Variants in TNRC6A observed in about 807,000 individuals in gnomAD.
TNRC6A encodes the protein trinucleotide repeat-containing gene 6A protein.
TNRC6A carries 44 observed loss-of-function variants against 221.2 expected under a neutral mutation model. The ratio of observed to expected loss-of-function variants is 0.20; its 90% CI spans 0.16 to 0.26. TNRC6A has a LOEUF of 0.26. Among genes scored for constraint, TNRC6A ranks in the 10% least tolerant of loss-of-function variants. TNRC6A has a pLI of 1.00. For missense variants in TNRC6A, 2,199 were observed against 2,404.4 expected, an observed-to-expected ratio of 0.91 and a Z score of 1.79; for synonymous variants, 847 against 838.5, an observed-to-expected ratio of 1.01 and a Z score of -0.18.
intron 3 of TNRC6A, among the ~76,000 whole-genome samples, chr16:24,752,972 T>G (rs2057170004): frequency 6.6e-6 from 1 of 152,236 alleles, no homozygotes; most frequent in South Asian, 2.1e-4. Context: ...TTGAATGATG[T>G]CTTTAAATAT....
At chr16:24,632,876 G>A (rs1410181099) in intron 1 of TNRC6A, among the ~76,000 whole-genome samples, 1 of 152,002 alleles carries the variant, frequency 6.6e-6, no homozygotes, top group African/African-American at 2.4e-5. Context: ...GGGTGCGGTG[G>A]TGCATGCATG....
intron 2 of TNRC6A, among the ~76,000 whole-genome samples, chr16:24,641,805 G>A (rs1396774457): frequency 1.3e-5 from 2 of 152,096 alleles, no homozygotes; most frequent in East Asian, 3.9e-4. Flanking sequence ...CATCTACCAT[G>A]TACCATGCAT....
rs147758974 is a variant in TNRC6A, at chr16:24,775,938, G to A, written c.164-995G>A. Among the ~76,000 whole-genome samples, 49 of 152,280 alleles carry A rather than the reference G, an allele frequency of 3.2e-4. No individual in the cohort carries two copies. In the East Asian group the frequency reaches 5.6e-3, roughly 17 times the overall value. On this transcript the variant is annotated intron_variant, in intron 4 of 24. Coordinates refer to ENST00000395799, the MANE Select transcript of TNRC6A (RefSeq NM_014494.4). Reference sequence around the variant, plus strand: ...AGGTGGTATTGTGTCAGTCATTAACGAATAGCCACTGTTTATATAGCCTTA... The same window carrying A: ...AGGTGGTATTGTGTCAGTCATTAACAAATAGCCACTGTTTATATAGCCTTA...
chr16:24,614,808 G>A (rs533575987), intron 1 of TNRC6A, among the ~76,000 whole-genome samples: 13 of 152,324 alleles, frequency 8.5e-5, no homozygotes, highest in Admixed American at 5.9e-4. Flanking sequence ...GGTGGCTTAC[G>A]CCTGTAATCC....
At chr16:24,742,885 C>T (rs1172327271) in intron 2 of TNRC6A, among the ~76,000 whole-genome samples, 3 of 152,034 alleles carry the variant, frequency 2.0e-5, no homozygotes, top group African/African-American at 2.4e-5. Flanking sequence ...GAGCCGAGAT[C>T]GAGCCATTGC....
At chr16:24,640,860 T>C (rs1405166638) in intron 1 of TNRC6A, 26 of 152,220 alleles carry the variant, frequency 1.7e-4, no homozygotes, top group Admixed American at 1.7e-3. Flanking sequence ...ATCACTAATC[T>C]AATGCAACCT....
chr16:24,814,661 C>T (rs1337274733), intron 18 of TNRC6A, among the ~76,000 whole-genome samples: 1 of 152,116 alleles, frequency 6.6e-6, no homozygotes, highest in East Asian at 1.9e-4. Context: ...GATCTGCCTG[C>T]CTCAGCCTCC....
chr16:24,729,283 A>C (rs1208347658), upstream of TNRC6A, among the ~76,000 whole-genome samples: 2 of 149,882 alleles, frequency 1.3e-5, no homozygotes, highest in African/African-American at 2.5e-5. Context: ...AGTTGGGGTA[A>C]AATTTGCGTT....
chr16:24,804,422 C>A, intron 12 of TNRC6A, 103 bp downstream of exon 12: 2 of 1,317,224 alleles, frequency 1.5e-6, no homozygotes, highest in Non-Finnish European at 2.1e-6. Context: ...TAAAGTGTTA[C>A]AATCCACTAC....
chr16:24,762,134 A>G (rs2057377070), intron 4 of TNRC6A, among the ~76,000 whole-genome samples: 3 of 152,218 alleles, frequency 2.0e-5, no homozygotes, highest in Admixed American at 2.0e-4. Flanking sequence ...TTTTTGGGTG[A>G]TAAAATAGCG....
In TNRC6A at chr16:24,696,105, T is replaced by C. The variant is rs1366095366; in HGVS notation, n.403-54621T>C. Among the ~76,000 whole-genome samples the C allele has an allele frequency of 2.6e-5, 4 of 151,952 alleles. No homozygotes were observed. In the East Asian group the frequency reaches 7.8e-4, roughly 30 times the overall value. ...GGCTCGCCCCTGTAATCCCAGCACT[T>C]TGGGAGGCCGAGGCGGGTGGATCAC... On this transcript the variant is annotated intron_variant and non_coding_transcript_variant, in intron 2 of 2. Coordinates refer to the TNRC6A transcript ENST00000566108.
At chr16:24,785,465 C>G (rs1300775624) in intron 5 of TNRC6A, among the ~76,000 whole-genome samples, 1 of 152,174 alleles carries the variant, frequency 6.6e-6, no homozygotes. Context: ...TACTTTATGG[C>G]TGTTAATGAT....
At chr16:24,625,899 TAA>T (rs1024449123) in intron 1 of TNRC6A, among the ~76,000 whole-genome samples, 6 of 152,164 alleles carry the variant, frequency 3.9e-5, no homozygotes, top group Admixed American at 6.5e-5. Flanking sequence ...GCTAGAGTGT[TAA>T]GTTTGTTTAT....
At chr16:24,675,081 G>C (rs2055380916) in intron 2 of TNRC6A, among the ~76,000 whole-genome samples, 1 of 152,110 alleles carries the variant, frequency 6.6e-6, no homozygotes, top group South Asian at 2.1e-4. Flanking sequence ...AGGAGTTCAA[G>C]GTCGCAGTCA....
chr16:24,611,134 T>C (rs1315029842), intron 1 of TNRC6A, among the ~76,000 whole-genome samples: 1 of 152,096 alleles, frequency 6.6e-6, no homozygotes, highest in Non-Finnish European at 1.5e-5. Flanking sequence ...TTTATTCACA[T>C]ACCTTTCTGT....
chr16:24,820,675 TG>T (rs2058749514), intron 22 of TNRC6A, among the ~76,000 whole-genome samples: 1 of 152,174 alleles, frequency 6.6e-6, no homozygotes, highest in Non-Finnish European at 1.5e-5. Context: ...CTGGGGAACA[TG>T]GGAGCAGGCC....
intron 2 of TNRC6A, among the ~76,000 whole-genome samples, chr16:24,743,790 C>T (rs1470422070): frequency 6.6e-6 from 1 of 152,110 alleles, no homozygotes; most frequent in African/African-American, 2.4e-5. Context: ...AGACATGATA[C>T]CCCTTTACTC....
chr16:24,620,013 A>C (rs1900581462), intron 1 of TNRC6A, among the ~76,000 whole-genome samples: 1 of 152,088 alleles, frequency 6.6e-6, no homozygotes, highest in African/African-American at 2.4e-5. Context: ...GTGATGGTGC[A>C]TACCTGTAGT....
At position 24,616,325 on chromosome 16, in the gene TNRC6A, C is replaced by CAA. The variant is rs397855433; in HGVS notation, n.276+5859_276+5860dup. On this transcript the variant is annotated intron_variant and non_coding_transcript_variant, in intron 1 of 2. Coordinates refer to the TNRC6A transcript ENST00000566108. ...TGGGAGACACAGCGAGATGCTGTCT[C>CAA]AAAAAAAAAAAAAAAAAAAGAAGAA... is the stretch of plus-strand genomic sequence containing the variant. Among the ~76,000 whole-genome samples the CAA allele has an allele frequency of 5.9e-4, 44 of 74,002 alleles. 1 individual carries two copies. Among genetic ancestry groups the CAA allele is most frequent in the East Asian group, 4.0e-3 (8 of 1,992 alleles). 48.5% of individuals were successfully genotyped at this position (74,002 alleles called of 152,430 possible). A position where few individuals can be genotyped will look rare whatever the true frequency, so the allele number is the denominator to read the frequency against.
Sources: gnomAD v4.1 joint callset for allele counts (sites outside exome capture counted in the v4.1 genomes callset) on GRCh38, gnomAD v4.1.1 for gene constraint, MANE v1.5 for transcripts, NCBI Gene and HGNC (gene_info 2026-07-23, HGNC 2026-07-21) for gene names.